Variants in TULP4 observed in about 807,000 individuals in gnomAD.
TULP4 encodes tubby-related protein 4.
Under a neutral mutation model 129.0 loss-of-function variants are expected in TULP4, and 16 were observed. The ratio of observed to expected loss-of-function variants is 0.12; its 90% CI spans 0.08 to 0.19. The LOEUF (loss-of-function observed/expected upper bound fraction) is 0.19. Ranked by LOEUF, TULP4 falls within the 10% of genes least tolerant of loss-of-function variation. The pLI, the probability that TULP4 is intolerant of heterozygous loss-of-function variation, is 1.00. For missense variants in TULP4, 1,842 were observed against 2,059.1 expected (o/e 0.89, Z 2.04); for synonymous variants, 998 against 854.0 (o/e 1.17, Z -2.94).
intron 2 of TULP4, among the ~76,000 whole-genome samples, chr6:158,422,924 G>C: frequency 6.6e-6 from 1 of 152,236 alleles, no homozygotes; most frequent in Non-Finnish European, 1.5e-5. Context: ...GAAGGCGCCC[G>C]AATCGCCATG....
chr6:158,298,830 G>C (rs1262927851), intron 1 of TULP4, among the ~76,000 whole-genome samples: 2 of 152,158 alleles, frequency 1.3e-5, no homozygotes, highest in African/African-American at 4.8e-5. Context: ...CCAATGTTCT[G>C]CGCCACAAAG....
intron 4 of TULP4, among the ~76,000 whole-genome samples, chr6:158,451,428 C>G (rs537464683): frequency 5.3e-5 from 8 of 152,190 alleles, no homozygotes; most frequent in Non-Finnish European, 7.3e-5. Context: ...CCTACAGGAG[C>G]CTTCTGAAAA....
intron 1 of TULP4, among the ~76,000 whole-genome samples, chr6:158,267,455 C>G (rs775355876): frequency 6.6e-6 from 1 of 152,092 alleles, no homozygotes; most frequent in Non-Finnish European, 1.5e-5. Flanking sequence ...AGGAGGTTGT[C>G]CTTGCCTTTC....
chr6:158,278,373 A>G (rs146738987), upstream of TULP4, among the ~76,000 whole-genome samples: 3 of 151,720 alleles, frequency 2.0e-5, no homozygotes, highest in East Asian at 5.8e-4. Context: ...GGGGAAATGT[A>G]GAAGAAAATA....
chr6:158,309,360 TC>T (rs1779292662), upstream of TULP4, among the ~76,000 whole-genome samples: 1 of 143,020 alleles, frequency 7.0e-6, no homozygotes, highest in South Asian at 2.4e-4. Flanking sequence ...GCTCCTCACT[TC>T]CTAGATGGGA....
chr6:158,300,723 A>G (rs1458758402), intron 1 of TULP4, among the ~76,000 whole-genome samples: 1 of 152,238 alleles, frequency 6.6e-6, no homozygotes, highest in Non-Finnish European at 1.5e-5. Flanking sequence ...AAACATGTAC[A>G]TGTGAAATTC....
chr6:158,328,109 T>TGG (rs1779787996), intron 1 of TULP4, among the ~76,000 whole-genome samples: 2 of 117,262 alleles, frequency 1.7e-5, no homozygotes, highest in Non-Finnish European at 3.6e-5. Flanking sequence ...TGTGTGTGTG[T>TGG]GTGTGTGTGT....
intron 1 of TULP4, among the ~76,000 whole-genome samples, chr6:158,350,504 C>T (rs901899024): frequency 6.6e-6 from 1 of 152,198 alleles, no homozygotes; most frequent in South Asian, 2.1e-4. Context: ...GCAGGCAGAT[C>T]ACCCGAGGCC....
At chr6:158,248,409 A>G (rs533549670) in intron 1 of TULP4, among the ~76,000 whole-genome samples, 9 of 151,800 alleles carry the variant, frequency 5.9e-5, no homozygotes, top group Admixed American at 2.0e-4. Flanking sequence ...AGCTGGGACT[A>G]TAGGCACCCG....
intron 1 of TULP4, among the ~76,000 whole-genome samples, chr6:158,253,927 A>G (rs1006421010): frequency 2.0e-5 from 3 of 151,924 alleles, no homozygotes; most frequent in Non-Finnish European, 2.9e-5. Context: ...AATCAGAGCT[A>G]CTCGGAAGGC....
chr6:158,364,820 T>A (rs1038921596), intron 1 of TULP4, among the ~76,000 whole-genome samples: 7 of 152,188 alleles, frequency 4.6e-5, no homozygotes, highest in Admixed American at 2.0e-4. Context: ...CACTGCAAGC[T>A]CTGCCTCCCA....
At chr6:158,282,627 T>C (rs1778774502) in intron 1 of TULP4, among the ~76,000 whole-genome samples, 1 of 151,444 alleles carries the variant, frequency 6.6e-6, no homozygotes, top group African/African-American at 2.4e-5. Context: ...TTTCTCATGT[T>C]ATATTTGTGT....
chr6:158,278,799 A>G (rs1012896920), upstream of TULP4, among the ~76,000 whole-genome samples: 15 of 152,156 alleles, frequency 9.9e-5, no homozygotes, highest in African/African-American at 3.1e-4. Flanking sequence ...TGTTTAGGGC[A>G]CTGTTGTAGA....
intron 3 of TULP4, among the ~76,000 whole-genome samples, chr6:158,430,698 A>T (rs1159563432): frequency 3.3e-5 from 5 of 152,206 alleles, no homozygotes; most frequent in African/African-American, 1.2e-4. Flanking sequence ...GTGAGCCAGG[A>T]TTGTGCCACT....
At chr6:158,440,097 G>A (rs376043702) in intron 3 of TULP4, among the ~76,000 whole-genome samples, 9 of 151,858 alleles carry the variant, frequency 5.9e-5, no homozygotes, top group East Asian at 3.9e-4. Context: ...AGACCGAGGC[G>A]GGAGGATCAC....
Position 158,371,055 on chromosome 6 carries a change from C to T in TULP4, c.253-42010C>T, listed in dbSNP as rs185077366. Among the ~76,000 whole-genome samples the T allele has an allele frequency of 9.4e-4, 143 of 152,288 alleles. 2 individuals are homozygous for T. The highest frequency in any genetic ancestry group is 3.2e-3 in the African/African-American group (134 of 41,558). ...CAGTTCAGCTGTGGATGGCTGATGA[C>T]CTCGCCTAAGCTTTACTTTTTCCTG... is the stretch of plus-strand genomic sequence containing the variant. On this transcript the variant is annotated intron_variant, in intron 1 of 13. Coordinates refer to ENST00000367097, the MANE Select transcript of TULP4 (RefSeq NM_020245.5).
intron 3 of TULP4, chr6:158,437,649 T>A (rs935749170): frequency 6.6e-6 from 1 of 152,240 alleles, no homozygotes; most frequent in Admixed American, 6.5e-5. Context: ...CTGTTACAGA[T>A]ACTCATATGC....
chr6:158,280,906 T>G (rs1437090631), upstream of TULP4, among the ~76,000 whole-genome samples: 1 of 152,190 alleles, frequency 6.6e-6, no homozygotes. Context: ...GATGGATAAA[T>G]AAATTTAGTT....
chr6:158,481,571 G>A, intron 8 of TULP4: 1 of 495,298 alleles, frequency 2.0e-6, no homozygotes, highest in Non-Finnish European at 3.7e-6. Flanking sequence ...CCTCCTGGGA[G>A]TGAGGGTTTC....
Sources: allele counts gnomAD v4.1 joint callset (sites outside exome capture counted in the v4.1 genomes callset), GRCh38; gene constraint gnomAD v4.1.1; transcripts MANE v1.5; gene names NCBI Gene and HGNC (gene_info 2026-07-23, HGNC 2026-07-21).